The following PRKG1 variants were observed in gnomAD, a reference collection of about 807,000 sequenced individuals.
PRKG1 encodes protein kinase cGMP-dependent 1.
In PRKG1, 35 loss-of-function variants were observed where a neutral mutation model predicts 88.1. The ratio of observed to expected loss-of-function variants is 0.40; its 90% CI spans 0.30 to 0.53. The LOEUF (loss-of-function observed/expected upper bound fraction) is 0.53, where lower values mean the gene tolerates loss of function less well. Among genes scored for constraint, PRKG1 ranks in the 20% least tolerant of loss-of-function variants. The probability of loss-of-function intolerance (pLI) is 0.59; values close to 1 mark genes in which losing one functional copy is unlikely to be tolerated. For missense variants in PRKG1, 540 were observed against 839.8 expected (o/e 0.64, Z 4.41); for synonymous variants, 303 against 292.5 (o/e 1.04, Z -0.37).
intron 5 of PRKG1, among the ~76,000 whole-genome samples, chr10:51,993,863 C>T (rs1160885201): frequency 6.6e-6 from 1 of 152,148 alleles, no homozygotes; most frequent in Non-Finnish European, 1.5e-5. Context: ...TTAACTCTAA[C>T]CCCAACTTCA....
chr10:52,258,527 T>C (rs1323883960), intron 10 of PRKG1, among the ~76,000 whole-genome samples: 1 of 151,840 alleles, frequency 6.6e-6, no homozygotes, highest in Non-Finnish European at 1.5e-5. Context: ...ACAAGAATAA[T>C]GTATATATGT....
At chr10:51,790,419 C>G (rs1030568924) in intron 3 of PRKG1, among the ~76,000 whole-genome samples, 1 of 152,064 alleles carries the variant, frequency 6.6e-6, no homozygotes, top group African/African-American at 2.4e-5. Context: ...TGAGTTATTT[C>G]ACTCATATCT....
chr10:51,613,948 G>A (rs1838978320), intron 3 of PRKG1, among the ~76,000 whole-genome samples: 1 of 151,876 alleles, frequency 6.6e-6, no homozygotes, highest in African/African-American at 2.4e-5. Flanking sequence ...GTGTTCATGA[G>A]AAGAATGTGT....
chr10:51,798,634 A>C (rs1195495613), intron 3 of PRKG1, among the ~76,000 whole-genome samples: 1 of 152,122 alleles, frequency 6.6e-6, no homozygotes, highest in Non-Finnish European at 1.5e-5. Flanking sequence ...AAATATCTGT[A>C]GGACCATGTG....
rs1008434594 is a variant in PRKG1, at chr10:51,524,159, C to T, written c.592+56323C>T. ...CCACCATGGGTAAAAGCTCTGAGGCCCCCTCAGAAGCTGAGGCTGTCATGT... is the reference window on the plus strand; with the variant it reads ...CCACCATGGGTAAAAGCTCTGAGGCTCCCTCAGAAGCTGAGGCTGTCATGT... On this transcript the variant is annotated intron_variant, in intron 3 of 17. Transcript: ENST00000373980. 4.6e-5 allele frequency among the ~76,000 whole-genome samples: 7 copies of T among 152,108 alleles called. No homozygotes were observed. In the South Asian group the frequency reaches 1.2e-3, roughly 27 times the overall value.
chr10:52,099,855 C>A (rs1847255870), intron 7 of PRKG1, among the ~76,000 whole-genome samples: 1 of 152,166 alleles, frequency 6.6e-6, no homozygotes, highest in Non-Finnish European at 1.5e-5. Flanking sequence ...TGGGCACTTG[C>A]CTCCTAAGTC....
chr10:51,625,482 AAAAG>A (rs749004869), intron 3 of PRKG1, among the ~76,000 whole-genome samples: 20 of 152,100 alleles, frequency 1.3e-4, no homozygotes, highest in Admixed American at 3.3e-4. Flanking sequence ...GTCTCAATAA[AAAAG>A]AAAGAAAGAA....
At chr10:51,040,232 TTGTGTGTGTGTGTGTGTGTG>T (rs373057468) in intron 1 of PRKG1, among the ~76,000 whole-genome samples, 2 of 117,788 alleles carry the variant, frequency 1.7e-5, no homozygotes, top group African/African-American at 6.5e-5. Context: ...TCCATTCCAT[TTGTGTGTGTGTGTGTGTGTG>T]TGTGTGTGTG....
chr10:51,703,474 A>G (rs762876318), intron 3 of PRKG1, among the ~76,000 whole-genome samples: 6 of 152,174 alleles, frequency 3.9e-5, no homozygotes, highest in Non-Finnish European at 5.9e-5. Flanking sequence ...ACCTTGATAT[A>G]CCTTGTACCT....
intron 3 of PRKG1, among the ~76,000 whole-genome samples, chr10:51,664,580 C>T (rs1459371670): frequency 6.6e-6 from 1 of 152,082 alleles, no homozygotes; most frequent in Non-Finnish European, 1.5e-5. Flanking sequence ...AGTTGCTAGT[C>T]CAACCCTGTG....
At chr10:51,856,983 A>AG (rs1187732398) in intron 4 of PRKG1, among the ~76,000 whole-genome samples, 5 of 151,740 alleles carry the variant, frequency 3.3e-5, no homozygotes, top group African/African-American at 7.3e-5. Context: ...AAGAAAAAAA[A>AG]AAAAAGAAAG....
chr10:51,187,102 T>G (rs1168877038), intron 2 of PRKG1, among the ~76,000 whole-genome samples: 1 of 151,560 alleles, frequency 6.6e-6, no homozygotes, highest in Non-Finnish European at 1.5e-5. Flanking sequence ...CTTAATATTG[T>G]TCTAATTATT....
chr10:51,382,793 C>T (rs1412450783), intron 2 of PRKG1, among the ~76,000 whole-genome samples: 3 of 152,158 alleles, frequency 2.0e-5, no homozygotes, highest in Non-Finnish European at 4.4e-5. Flanking sequence ...CAACTGTGTC[C>T]TTCTCCATGT....
At chr10:51,834,255 T>C (rs1348341968) in intron 4 of PRKG1, among the ~76,000 whole-genome samples, 2 of 152,126 alleles carry the variant, frequency 1.3e-5, no homozygotes, top group Non-Finnish European at 2.9e-5. Flanking sequence ...TCCTGCCCTC[T>C]AACATAAAAT....
chr10:52,259,341 T>G (rs527836057), intron 10 of PRKG1, among the ~76,000 whole-genome samples: 41 of 152,192 alleles, frequency 2.7e-4, no homozygotes, highest in African/African-American at 9.1e-4. Context: ...GAAAATTTCA[T>G]GTAAACACTT....
intron 3 of PRKG1, among the ~76,000 whole-genome samples, chr10:51,736,920 G>A (rs1837295863): frequency 1.3e-5 from 2 of 151,754 alleles, no homozygotes; most frequent in Admixed American, 6.6e-5. Context: ...ACAGATGTGA[G>A]CCACACCACC....
At chr10:51,925,625 AGAGCTCG>A (rs1431229483) in intron 5 of PRKG1, among the ~76,000 whole-genome samples, 1 of 152,146 alleles carries the variant, frequency 6.6e-6, no homozygotes, top group Non-Finnish European at 1.5e-5. Flanking sequence ...AGGAGAACAC[AGAGCTCG>A]GAATTTACTT....
chr10:51,271,394 G>A (rs1839976882), intron 2 of PRKG1, among the ~76,000 whole-genome samples: 2 of 152,060 alleles, frequency 1.3e-5, no homozygotes, highest in African/African-American at 4.8e-5. Flanking sequence ...AATCCAAAGG[G>A]AAATTGGGTT....
At chr10:51,840,884 G>A (rs1277279249) in intron 4 of PRKG1, among the ~76,000 whole-genome samples, 1 of 152,082 alleles carries the variant, frequency 6.6e-6, no homozygotes, top group Non-Finnish European at 1.5e-5. Flanking sequence ...ATACAATGAA[G>A]AGTCTATAAC....
Sources: allele counts gnomAD v4.1 joint callset (sites outside exome capture counted in the v4.1 genomes callset), GRCh38; gene constraint gnomAD v4.1.1; transcripts MANE v1.5; gene names NCBI Gene and HGNC (gene_info 2026-07-23, HGNC 2026-07-21).